PRKCB: variants seen among roughly 807,000 people sequenced by gnomAD.
PRKCB encodes the protein protein kinase C beta, also known as protein kinase C beta type.
In PRKCB, 13 loss-of-function variants were observed where a neutral mutation model predicts 81.5. The observed-to-expected ratio is 0.16, with a 90% CI of 0.10 to 0.25. PRKCB has a LOEUF of 0.25. Ranked by LOEUF, PRKCB falls within the 10% of genes least tolerant of loss-of-function variation. The pLI is 1.00. For missense variants in PRKCB, 509 were observed against 875.7 expected (o/e 0.58, Z 5.29); for synonymous variants, 335 against 321.4 (o/e 1.04, Z -0.45).
At chr16:23,907,766 A>G (rs185011941) in intron 2 of PRKCB, among the ~76,000 whole-genome samples, 3 of 152,216 alleles carry the variant, frequency 2.0e-5, no homozygotes, top group Admixed American at 1.3e-4. Context: ...TCCGGGAGGA[A>G]CAGAGGTTCC....
At chr16:23,846,850 C>G (rs576143059) in intron 2 of PRKCB, among the ~76,000 whole-genome samples, 1 of 152,168 alleles carries the variant, frequency 6.6e-6, no homozygotes, top group East Asian at 1.9e-4. Context: ...AGGACAGGAT[C>G]TGGTAGAGAT....
chr16:23,964,996 C>G (rs1040383205), intron 2 of PRKCB, among the ~76,000 whole-genome samples: 1 of 152,132 alleles, frequency 6.6e-6, no homozygotes, highest in African/African-American at 2.4e-5. Flanking sequence ...TCACTTACCT[C>G]CTTTTGTTCT....
chr16:24,021,411 T>C (rs1965402219), intron 3 of PRKCB, among the ~76,000 whole-genome samples: 2 of 135,806 alleles, frequency 1.5e-5, no homozygotes, highest in Admixed American at 7.9e-5. Flanking sequence ...CTTCCTTTCC[T>C]CTTAGCTGCC....
chr16:24,029,779 AC>A (rs1168184240), intron 3 of PRKCB, among the ~76,000 whole-genome samples: 1 of 152,244 alleles, frequency 6.6e-6, no homozygotes, highest in Non-Finnish European at 1.5e-5. Flanking sequence ...ATCAATAAAT[AC>A]ATGTGAATGG....
chr16:24,145,406 A>C (rs1966974373), intron 9 of PRKCB, among the ~76,000 whole-genome samples: 1 of 152,282 alleles, frequency 6.6e-6, no homozygotes, highest in African/African-American at 2.4e-5. Flanking sequence ...AGTGAGACCT[A>C]ATGTCTACCA....
chr16:23,863,782 A>C (rs553183755), intron 2 of PRKCB, among the ~76,000 whole-genome samples: 1 of 152,296 alleles, frequency 6.6e-6, no homozygotes, highest in East Asian at 1.9e-4. Flanking sequence ...ACAATGTTCC[A>C]GGCAGAGTTT....
intron 2 of PRKCB, among the ~76,000 whole-genome samples, chr16:23,900,391 T>G (rs1490271275): frequency 6.6e-6 from 1 of 152,246 alleles, no homozygotes; most frequent in Non-Finnish European, 1.5e-5. Context: ...TATTTTTACC[T>G]CTGTATTATC....
chr16:23,869,102 G>A (rs1438795402), intron 2 of PRKCB: 2 of 453,694 alleles, frequency 4.4e-6, no homozygotes, highest in Non-Finnish European at 8.8e-6. Flanking sequence ...TGACATACAT[G>A]TCTACTTGCA....
At chr16:24,123,722 G>T in intron 8 of PRKCB, 113 bp from the exon 9 acceptor site, 1 of 1,109,824 alleles carries the variant, frequency 9.0e-7, no homozygotes, top group East Asian at 2.5e-5. Context: ...TGCTTTTCAT[G>T]GGGACAGGGT....
intron 9 of PRKCB, among the ~76,000 whole-genome samples, chr16:24,148,641 C>G (rs574374258): frequency 6.6e-6 from 1 of 152,290 alleles, no homozygotes; most frequent in South Asian, 2.1e-4. Flanking sequence ...GTGGCAGGGA[C>G]CACTGCTGAC....
chr16:23,974,827 T>G lies in PRKCB; in HGVS notation c.206-13681T>G, dbSNP rs191154683. Among the ~76,000 whole-genome samples the G allele has an allele frequency of 4.3e-3, 654 of 152,190 alleles. 4 individuals carry two copies. The highest frequency in any genetic ancestry group is 0.015 in the African/African-American group (627 of 41,514). The stretch of plus-strand genomic sequence containing the variant: ...AGGGCCCAGGGTGGCTCTGGGGATC[T>G]GGGTGGCAGGAGCGAATGGATGACC... On this transcript the variant is annotated intron_variant, in intron 2 of 16. Coordinates refer to ENST00000643927, the MANE Select transcript of PRKCB (RefSeq NM_002738.7).
intron 5 of PRKCB, among the ~76,000 whole-genome samples, chr16:24,079,781 T>C (rs923703001): frequency 1.2e-4 from 18 of 152,226 alleles, no homozygotes; most frequent in Admixed American, 1.2e-3. Context: ...TAAATTATGA[T>C]AGTGATGGTG....
chr16:24,206,690 T>C (rs938104537), intron 16 of PRKCB, among the ~76,000 whole-genome samples: 2 of 152,198 alleles, frequency 1.3e-5, no homozygotes, highest in African/African-American at 4.8e-5. Flanking sequence ...CCTTCTTGGG[T>C]TCCTTTCCTC....
intron 5 of PRKCB, among the ~76,000 whole-genome samples, chr16:24,088,929 A>G (rs1966342698): frequency 1.3e-5 from 2 of 152,080 alleles, no homozygotes; most frequent in Non-Finnish European, 2.9e-5. Flanking sequence ...GGGAGAAGAA[A>G]GATGAGCTGT....
At chr16:24,126,480 G>A (rs1966844479) in intron 9 of PRKCB, among the ~76,000 whole-genome samples, 1 of 152,026 alleles carries the variant, frequency 6.6e-6, no homozygotes, top group Admixed American at 6.6e-5. Flanking sequence ...GCCTCGACAT[G>A]CTGGACTCAA....
intron 2 of PRKCB, among the ~76,000 whole-genome samples, chr16:23,851,637 G>A (rs113950745): frequency 1.5e-4 from 23 of 152,290 alleles, no homozygotes; most frequent in African/African-American, 5.3e-4. Flanking sequence ...TTGGAATTTT[G>A]ATAAGAATTG....
intron 2 of PRKCB, among the ~76,000 whole-genome samples, chr16:23,941,260 C>T (rs1964137725): frequency 6.6e-6 from 1 of 152,174 alleles, no homozygotes; most frequent in South Asian, 2.1e-4. Context: ...CTGTAGTTTA[C>T]TGGCCTCTAG....
chr16:24,028,119 T>G (rs1159926007), intron 3 of PRKCB, among the ~76,000 whole-genome samples: 2 of 152,142 alleles, frequency 1.3e-5, no homozygotes, highest in African/African-American at 4.8e-5. Context: ...GATGGAGTCT[T>G]GCTCTGTCGC....
intron 2 of PRKCB, 114 bp downstream of exon 2, chr16:23,837,520 C>T: frequency 7.6e-7 from 1 of 1,320,362 alleles, no homozygotes. Context: ...GTCGGAGTGA[C>T]CTCCCAGGCT....
Sources: allele counts gnomAD v4.1 joint callset (sites outside exome capture counted in the v4.1 genomes callset), GRCh38; gene constraint gnomAD v4.1.1; transcripts MANE v1.5; gene names NCBI Gene and HGNC (gene_info 2026-07-23, HGNC 2026-07-21).